Variants in TENM2 observed in about 807,000 individuals in gnomAD.
TENM2 encodes teneurin-2.
Under a neutral mutation model 245.2 loss-of-function variants are expected in TENM2, and 52 were observed. That is an observed-to-expected ratio of 0.21 (90% confidence interval 0.17 to 0.27). The LOEUF is 0.27. Ranked by LOEUF, TENM2 falls within the 10% of genes least tolerant of loss-of-function variation. The probability of loss-of-function intolerance (pLI) is 1.00; values close to 1 mark genes in which losing one functional copy is unlikely to be tolerated. For missense variants in TENM2, 3,046 were observed against 3,666.8 expected, an observed-to-expected ratio of 0.83 and a Z score of 4.37; for synonymous variants, 1,363 against 1,438.9, an observed-to-expected ratio of 0.95 and a Z score of 1.19.
intron 12 of TENM2, chr5:168,129,861 A>G (rs1304381781): frequency 6.6e-6 from 1 of 152,210 alleles, no homozygotes; most frequent in African/African-American, 2.4e-5. Flanking sequence ...ACAGCCTCAA[A>G]TGCTATATTT....
At position 168,191,897 on chromosome 5, in the gene TENM2, G is replaced by A. The variant is rs371590338; in HGVS notation, c.2780+1350G>A. Among the ~76,000 whole-genome samples, 10 of 152,206 alleles carry A rather than the reference G, an allele frequency of 6.6e-5. No homozygotes were observed. In the South Asian group the frequency reaches 8.3e-4, roughly 13 times the overall value. ...CCTCTTAGAGCTCTCTGGAAAGTTG[G>A]AGAGCCCCAATTCCTGCAGCTCTTT... On this transcript the variant is annotated intron_variant, in intron 14 of 28. Transcript: ENST00000518659.
chr5:167,761,372 C>T (rs1276736477), intron 2 of TENM2, among the ~76,000 whole-genome samples: 3 of 151,954 alleles, frequency 2.0e-5, no homozygotes, highest in African/African-American at 7.3e-5. Context: ...CCCAGAATGC[C>T]GTCTGATACA....
chr5:167,775,653 A>G (rs1763715161), intron 2 of TENM2, among the ~76,000 whole-genome samples: 1 of 152,110 alleles, frequency 6.6e-6, no homozygotes, highest in Admixed American at 6.5e-5. Flanking sequence ...CTGAGTACCT[A>G]CTCTGGGCAC....
intron 4 of TENM2, among the ~76,000 whole-genome samples, chr5:167,972,252 G>A (rs2151927341): frequency 6.6e-6 from 1 of 152,158 alleles, no homozygotes; most frequent in Admixed American, 6.5e-5. Flanking sequence ...ATTATTTTAG[G>A]CTTTCAAAAA....
chr5:168,258,385 C>T (rs1362343055), intron 27 of TENM2, among the ~76,000 whole-genome samples: 1 of 152,026 alleles, frequency 6.6e-6, no homozygotes, highest in Non-Finnish European at 1.5e-5. Flanking sequence ...CCTGTAGTCC[C>T]AGCTACTCGG....
rs577752523 is a variant in TENM2 at position 167,608,365 on chromosome 5, G to A, written c.502+232892G>A. On this transcript the variant is annotated intron_variant, in intron 2 of 28. Transcript: ENST00000518659. ...ACTTTGAGATGGTTATCTGTTAATC[G>A]AAGGAAAAATAAGTTGTGAAAGTAG... is the stretch of plus-strand genomic sequence containing the variant. Among the ~76,000 whole-genome samples, 5 of 152,198 alleles carry A rather than the reference G, an allele frequency of 3.3e-5. No homozygotes were observed. The East Asian group carries it at 5.8e-4, about 18-fold the overall frequency.
intron 2 of TENM2, among the ~76,000 whole-genome samples, chr5:167,390,265 T>C (rs185090232): frequency 6.6e-5 from 10 of 152,214 alleles, no homozygotes; most frequent in South Asian, 2.1e-4. Context: ...CTGAGTAGAG[T>C]GGGGAATTTC....
chr5:167,134,151 C>G, the TENM2 span, among the ~76,000 whole-genome samples: 1 of 151,906 alleles, frequency 6.6e-6, no homozygotes, highest in Non-Finnish European at 1.5e-5. Flanking sequence ...GAAACAGCAG[C>G]AAAACTGGGA....
rs182055053 is a variant in TENM2 at position 168,094,722 on chromosome 5, A to G, written c.1712-3304A>G. On this transcript the variant is annotated intron_variant, in intron 8 of 28. Coordinates refer to ENST00000518659, the Ensembl canonical transcript of TENM2. ...CAGGCATTAGATTCTCATAAGGAGCATGCAACCCAGATCCCTCCATGTGCA... is the reference window on the plus strand; with the variant it reads ...CAGGCATTAGATTCTCATAAGGAGCGTGCAACCCAGATCCCTCCATGTGCA... 4.5e-4 allele frequency among the ~76,000 whole-genome samples: 68 copies of G among 152,056 alleles called. No individual in the cohort carries two copies. The Middle Eastern group carries it at 0.01, about 23-fold the overall frequency.
chr5:167,112,114 T>C, the TENM2 span, among the ~76,000 whole-genome samples: 1 of 152,168 alleles, frequency 6.6e-6, no homozygotes, highest in African/African-American at 2.4e-5. Flanking sequence ...AGGAGGCTAA[T>C]CCATATATGA....
chr5:168,254,220 A>C (rs1767429174), intron 27 of TENM2, among the ~76,000 whole-genome samples: 1 of 152,256 alleles, frequency 6.6e-6, no homozygotes, highest in African/African-American at 2.4e-5. Flanking sequence ...GCGGTGCCAC[A>C]GTGCCAGCTC....
At chr5:166,990,456 A>G in the TENM2 span, among the ~76,000 whole-genome samples, 1 of 152,182 alleles carries the variant, frequency 6.6e-6, no homozygotes, top group Non-Finnish European at 1.5e-5. Context: ...ATCCAATAAA[A>G]TAATCCGGCT....
At chr5:167,375,113 G>A in intron 1 of TENM2, 85 bp from the exon 4 acceptor site, 1 of 1,406,594 alleles carries the variant, frequency 7.1e-7, no homozygotes. Flanking sequence ...GATGGGAAAA[G>A]TGGCTGCTTT....
intron 2 of TENM2, among the ~76,000 whole-genome samples, chr5:167,390,701 A>G (rs1761699392): frequency 6.6e-6 from 1 of 152,216 alleles, no homozygotes; most frequent in Non-Finnish European, 1.5e-5. Context: ...CAGTAGAAAC[A>G]TTTCTATATT....
chr5:168,115,406 A>AAGGAAGGAAGG (rs1554200368), intron 9 of TENM2, among the ~76,000 whole-genome samples: 1 of 101,006 alleles, frequency 9.9e-6, no homozygotes, highest in Non-Finnish European at 2.1e-5. Context: ...GGAAGGAAGG[A>AAGGAAGGAAGG]AGGGAAAGGA....
intron 2 of TENM2, among the ~76,000 whole-genome samples, chr5:167,562,336 G>T (rs1186537096): frequency 6.6e-6 from 1 of 152,106 alleles, no homozygotes; most frequent in Non-Finnish European, 1.5e-5. Flanking sequence ...AATAGAGTTT[G>T]CATGGCTGCT....
At chr5:167,681,627 A>G (rs1232046078) in intron 2 of TENM2, among the ~76,000 whole-genome samples, 1 of 151,706 alleles carries the variant, frequency 6.6e-6, no homozygotes, top group Non-Finnish European at 1.5e-5. Flanking sequence ...GTATTTGTTT[A>G]TATATATATG....
chr5:167,083,010 T>C, the TENM2 span, among the ~76,000 whole-genome samples: 11 of 150,672 alleles, frequency 7.3e-5, no homozygotes, highest in African/African-American at 2.2e-4. Context: ...GTATATGAAA[T>C]TGGCAAAAAA....
chr5:167,861,680 T>C (rs1771824627), intron 2 of TENM2, among the ~76,000 whole-genome samples: 1 of 152,200 alleles, frequency 6.6e-6, no homozygotes, highest in African/African-American at 2.4e-5. Context: ...CTCAACACTG[T>C]AATTTTATCA....
Sources: gnomAD v4.1 joint callset for allele counts (sites outside exome capture counted in the v4.1 genomes callset) on GRCh38, gnomAD v4.1.1 for gene constraint, MANE v1.5 for transcripts, NCBI Gene and HGNC (gene_info 2026-07-23, HGNC 2026-07-21) for gene names.